RNF20: variants seen among roughly 807,000 people sequenced by gnomAD.
RNF20 encodes ring finger protein 20, also known as E3 ubiquitin-protein ligase BRE1A.
In RNF20, 84 loss-of-function variants were observed where a neutral mutation model predicts 126.2. That is an observed-to-expected ratio of 0.67 (90% CI 0.56 to 0.80). The LOEUF is 0.80. RNF20 is among the 30% of genes least tolerant of loss of function. The pLI is 0.00. For missense variants in RNF20, 869 were observed against 1,188.2 expected, an observed-to-expected ratio of 0.73 and a Z score of 3.95; for synonymous variants, 400 against 414.3, an observed-to-expected ratio of 0.97 and a Z score of 0.42.
intron 16 of RNF20, among the ~76,000 whole-genome samples, chr9:101,557,959 A>T (rs1349212728): frequency 2.0e-5 from 3 of 150,658 alleles, no homozygotes; most frequent in Non-Finnish European, 2.9e-5. Context: ...TTACTTCTGG[A>T]TATTGGGATG....
intron 3 of RNF20, 36 bp downstream of exon 3, chr9:101,540,406 G>C: frequency 6.2e-7 from 1 of 1,612,992 alleles, no homozygotes; most frequent in African/African-American, 1.3e-5. Context: ...ATTTTTATTT[G>C]ACCAATTTAG....
At chr9:101,557,856 A>T (rs1827560591) in intron 16 of RNF20, among the ~76,000 whole-genome samples, 1 of 152,116 alleles carries the variant, frequency 6.6e-6, no homozygotes. Context: ...GTGTTTTGTT[A>T]TCCTTTTTGC....
chr9:101,561,514 T>C, intron 18 of RNF20: 1 of 430,558 alleles, frequency 2.3e-6, no homozygotes, highest in Non-Finnish European at 4.1e-6. Flanking sequence ...TTCAAGTTCT[T>C]GTATAATGTC....
intron 13 of RNF20, 65 bp from the exon 14 acceptor site, chr9:101,553,923 C>T (rs1209305523): frequency 9.3e-6 from 8 of 861,254 alleles, no homozygotes; most frequent in African/African-American, 1.7e-5. Context: ...ATCAAAATTC[C>T]CTTGCTCTGA....
rs139776458 is a variant in RNF20, at chr9:101,552,707, C to A, written c.1855C>A (p.Arg619=). 160 of 1,591,936 alleles carry A rather than the reference C, an allele frequency of 1.0e-4. No homozygotes were observed. The African/African-American group carries it at 1.8e-3, about 18-fold the overall frequency. Residue 619 remains arginine (R), a synonymous_variant, in exon 13 of 20, where the codon CGG becomes AGG. Transcript: ENST00000389120. ...AGAGAAAGGCAAACATGATGATGGA[C>A]GGAAAAAGGAAGCAGAAATTATCAA... The part of the protein sequence containing the change: ...DKEKGKHDDG[R]KKEAEIIKQL...
chr9:101,535,364 A>G (rs188550151), intron 1 of RNF20, 34 bp from the exon 2 acceptor site: 9 of 1,566,814 alleles, frequency 5.7e-6, no homozygotes, highest in South Asian at 1.2e-5. Flanking sequence ...TTGCTTACAT[A>G]TATTATGTCA....
At chr9:101,542,535 G>A (rs1827276376) in intron 5 of RNF20, among the ~76,000 whole-genome samples, 5 of 152,184 alleles carry the variant, frequency 3.3e-5, no homozygotes, top group Admixed American at 6.5e-5. Flanking sequence ...TTTAGTCAAT[G>A]GGGAATGAAT....
chr9:101,557,830 A>G (rs1827559993), intron 16 of RNF20, among the ~76,000 whole-genome samples: 1 of 152,154 alleles, frequency 6.6e-6, no homozygotes, highest in South Asian at 2.1e-4. Context: ...ACATGTCTGA[A>G]ATAAAATCAA....
At chr9:101,561,278 T>A in intron 18 of RNF20, 48 bp downstream of exon 18, 2 of 1,588,024 alleles carry the variant, frequency 1.3e-6, no homozygotes, top group African/African-American at 1.3e-5. Context: ...TTTTCTGAGG[T>A]CGGAAGTGAC....
chr9:101,556,958 T>C (rs1019590255), intron 15 of RNF20, among the ~76,000 whole-genome samples: 4 of 152,194 alleles, frequency 2.6e-5, no homozygotes, highest in Non-Finnish European at 5.9e-5. Context: ...AAAGTAAAGC[T>C]ATTATTAGAT....
intron 15 of RNF20, among the ~76,000 whole-genome samples, chr9:101,555,632 T>A (rs536328373): frequency 6.6e-6 from 1 of 152,190 alleles, no homozygotes; most frequent in Admixed American, 6.5e-5. Context: ...CTTCATTAGA[T>A]CCTATACACA....
chr9:101,562,355 AG>A lies in RNF20; in HGVS notation c.2862del (p.Gln954HisfsTer54). The A allele has an allele frequency of 6.2e-7, 1 of 1,614,012 alleles. No individual in the cohort carries two copies. The highest frequency in any genetic ancestry group is 8.5e-7 in the Non-Finnish European group (1 of 1,179,922). On this transcript the variant is annotated frameshift_variant, in exon 20 of 20. Transcript: ENST00000389120. LOFTEE classifies it high-confidence loss of function. ...ECVKTRYDTR[Q>X]RKCPKCNAAF... ...GTGAAGACACGCTATGACACCCGCCAGCGCAAATGTCCCAAGTGTAATGCTG... is the reference window on the plus strand; with the variant it reads ...GTGAAGACACGCTATGACACCCGCCACGCAAATGTCCCAAGTGTAATGCTG...
chr9:101,544,186 G>A (rs142114440), intron 5 of RNF20, among the ~76,000 whole-genome samples: 240 of 152,304 alleles, frequency 1.6e-3, no homozygotes, highest in African/African-American at 5.7e-3. Context: ...TACCTGCTTT[G>A]TAAATAGTAG....
intron 7 of RNF20, 64 bp from the exon 8 acceptor site, chr9:101,547,073 G>C: frequency 6.2e-7 from 1 of 1,602,330 alleles, no homozygotes; most frequent in Non-Finnish European, 8.6e-7. Flanking sequence ...TCCTTTGAAG[G>C]TACATTGGTT....
chr9:101,558,658 G>A (rs1472960872), intron 16 of RNF20, among the ~76,000 whole-genome samples: 1 of 152,124 alleles, frequency 6.6e-6, no homozygotes, highest in Non-Finnish European at 1.5e-5. Flanking sequence ...GATAATTAAT[G>A]ATGTTGAACA....
intron 16 of RNF20, 31 bp downstream of exon 16, chr9:101,557,627 G>A (rs1244041431): frequency 6.7e-7 from 1 of 1,493,804 alleles, no homozygotes; most frequent in Non-Finnish European, 9.3e-7. Context: ...TTTCTATTCT[G>A]TTGAAATAGG....
At chr9:101,545,283 T>A (rs1162382662) in intron 6 of RNF20, among the ~76,000 whole-genome samples, 1 of 152,232 alleles carries the variant, frequency 6.6e-6, no homozygotes, top group Admixed American at 6.5e-5. Flanking sequence ...AAATGACTTT[T>A]CTGATACTTC....
chr9:101,551,773 G>A lies in RNF20; in HGVS notation c.1362G>A (p.Met454Ile). Reference protein sequence around the residue: ...TLAQVRKEYEMLRIEFEQTLA... With the variant: ...TLAQVRKEYEILRIEFEQTLA... Reference sequence around the variant, plus strand: ...CCCAGGTCCGCAAGGAGTATGAAATGCTGAGGATAGAATTTGAGCAGACCC... The same window carrying A: ...CCCAGGTCCGCAAGGAGTATGAAATACTGAGGATAGAATTTGAGCAGACCC... Residue 454 changes from methionine to isoleucine, a missense_variant, in exon 11 of 20, where the codon ATG (methionine) becomes ATA (isoleucine). This residue lies in a region of RNF20 where 153 missense variants were observed against 226.4 expected (regional missense o/e 0.68). Coordinates refer to ENST00000389120, the MANE Select transcript of RNF20 (RefSeq NM_019592.7). 6.2e-7 allele frequency: 1 copy of A among 1,613,512 alleles called. No homozygotes were observed. Among genetic ancestry groups the A allele is most frequent in the African/African-American group, 1.3e-5 (1 of 74,994 alleles).
Position 101,549,668 on chromosome 9 carries a change from G to A in RNF20, c.1093-938G>A, listed in dbSNP as rs139597946. Among the ~76,000 whole-genome samples the A allele has an allele frequency of 4.9e-3, 747 of 152,178 alleles. 5 individuals are homozygous for A. Among genetic ancestry groups the A allele is most frequent in the Middle Eastern group, 0.017 (5 of 294 alleles). The stretch of plus-strand genomic sequence containing the variant: ...GCTAGACCACGGTCCACCTGGTAAC[G>A]GGCGTCTTCCCAGAAGCTGGCATTA... On this transcript the variant is annotated intron_variant, in intron 9 of 19. Coordinates refer to ENST00000389120, the MANE Select transcript of RNF20 (RefSeq NM_019592.7).
Sources: gnomAD v4.1 joint callset for allele counts (sites outside exome capture counted in the v4.1 genomes callset) on GRCh38, gnomAD v4.1.1 for gene constraint, gnomAD v4.1.1 regional missense constraint, MANE v1.5 for transcripts, NCBI Gene and HGNC (gene_info 2026-07-23, HGNC 2026-07-21) for gene names.